NACAD: variants seen among roughly 807,000 people sequenced by gnomAD.
NACAD encodes the protein NAC-alpha domain-containing protein 1.
In NACAD, 47 loss-of-function variants were observed where a neutral mutation model predicts 98.9. That is an observed-to-expected ratio of 0.48 (90% CI 0.38 to 0.61). The LOEUF (loss-of-function observed/expected upper bound fraction) is 0.61. NACAD is among the 20% of genes least tolerant of loss of function. The pLI is 0.00. For missense variants in NACAD, 1,412 were observed against 1,748.2 expected (o/e 0.81, Z 3.43); for synonymous variants, 696 against 767.2 (o/e 0.91, Z 1.53).
rs1187282426 is a variant in NACAD, at chr7:45,088,419, C to T, written c.67+409G>A. 6.6e-6 allele frequency among the ~76,000 whole-genome samples: 1 copy of T among 152,210 alleles called. No homozygotes were observed. Among genetic ancestry groups the T allele is most frequent in the Non-Finnish European group, 1.5e-5 (1 of 68,022 alleles). On this transcript the variant is annotated intron_variant, in intron 1 of 7. Coordinates refer to ENST00000490531, the MANE Select transcript of NACAD (RefSeq NM_001146334.2). The surrounding 1 kb of genome is among the most constrained non-coding windows in gnomAD (Gnocchi z 5.7). ...CAGACCGGGTGCAACTGAGGACCCT[C>T]CCGGTGGTCACCTGATCGTACTGGG...
At position 45,080,869 on chromosome 7, in the gene NACAD, A is replaced by C. The variant is rs1045686052; in HGVS notation, c.4551+7T>G. The C allele has an allele frequency of 1.4e-5, 21 of 1,555,458 alleles. No individual in the cohort carries two copies. Among genetic ancestry groups the C allele is most frequent in the Non-Finnish European group, 1.7e-5 (19 of 1,149,528 alleles). On this transcript the variant is annotated splice_region_variant and intron_variant, in intron 6 of 7. Coordinates refer to ENST00000490531, the MANE Select transcript of NACAD (RefSeq NM_001146334.2). ...CCCTGCGAGGCCCTGGAGCCCCTGC[A>C]CTTCACCTCTTCCTCCTCCTCCTCT...
Position 45,088,749 on chromosome 7 carries a change from GA to G in NACAD, c.67+78del. 2 of 1,278,294 alleles carry G rather than the reference GA, an allele frequency of 1.6e-6. No homozygotes were observed. Among genetic ancestry groups the G allele is most frequent in the Non-Finnish European group, 2.1e-6 (2 of 964,028 alleles). 79.2% of individuals were successfully genotyped at this position (1,278,294 alleles called of 1,614,324 possible). ...GGCCAGGGGGATGGGGGAGAGGGGT[GA>G]AAGGTGAGCGATGGAAAGAGAACCC... On this transcript the variant is annotated intron_variant, in intron 1 of 7. Coordinates refer to ENST00000490531, the MANE Select transcript of NACAD (RefSeq NM_001146334.2). The surrounding 1 kb of genome is among the most constrained non-coding windows in gnomAD (Gnocchi z 5.7).
rs554470303 is a variant in NACAD at position 45,082,144 on chromosome 7, G to A, written c.4036C>T (p.Pro1346Ser). 2.0e-6 allele frequency: 3 copies of A among 1,487,192 alleles called. No individual in the cohort carries two copies. Among genetic ancestry groups the A allele is most frequent in the South Asian group, 2.7e-5 (2 of 72,828 alleles). The allele number at this position is 1,487,192 out of a possible 1,614,324, so 92.1% of individuals were successfully genotyped here. Residue 1346 changes from proline (P) to serine (S), a missense_variant, in exon 2 of 8, where the codon CCC becomes TCC. By Grantham distance (74) the Pro-to-Ser change is moderately conservative. Transcript: ENST00000490531. This position sits in a 1 kb window ranked among gnomAD's most constrained non-coding sequence, Gnocchi z 4.5. ...CTGTCCTCATCCTCTTGCTGCTCGG[G>A]GGCTGAGAGCCCTTGAGGGCCAGCT... Reference protein sequence around the residue: ...SPAGPQGLSAPEQQEDEDSLE... With the variant: ...SPAGPQGLSASEQQEDEDSLE...
In NACAD at chr7:45,084,300, G is replaced by T. The variant is rs1562928066; in HGVS notation, c.1880C>A (p.Ser627Tyr). ...GGTGAGGCCCTCTTCAGCCTGCTGG[G>T]ACACAATCGTGGCTGCAGCCACAGG... The part of the protein sequence containing the change: ...PKPVAAATIV[S>Y]QQAEEGLTLP... Residue 627 changes from serine (S) to tyrosine (Y), a missense_variant, in exon 2 of 8, where the codon TCC becomes TAC. Ser to Tyr is a moderately radical substitution (Grantham distance 144, BLOSUM62 -2). This residue lies in a region of NACAD where 72 missense variants were observed against 198.0 expected (regional missense o/e 0.36). Coordinates refer to ENST00000490531, the MANE Select transcript of NACAD (RefSeq NM_001146334.2). 7.2e-7 allele frequency: 1 copy of T among 1,385,106 alleles called. No individual in the cohort carries two copies. The highest frequency in any genetic ancestry group is 9.5e-7 in the Non-Finnish European group (1 of 1,053,066). The allele number at this position is 1,385,106 out of a possible 1,614,324, so 85.8% of individuals were successfully genotyped here. A position where few individuals can be genotyped will look rare whatever the true frequency, so the allele number is the denominator to read the frequency against.
chr7:45,082,514 G>A lies in NACAD; in HGVS notation c.3666C>T (p.Asp1222=). 1 of 1,549,728 alleles carries A rather than the reference G, an allele frequency of 6.5e-7. No homozygotes were observed. The highest frequency in any genetic ancestry group is 8.7e-7 in the Non-Finnish European group (1 of 1,146,818). ...CAGAAGGGTCAGGGCCCAGGGGCCT[G>A]TCCACGGGCGTGCTGGGCTGACCCT... The part of the protein sequence containing the change: ...LAKGQPSTPV[D]RPLGPDPSAP... The change falls in exon 2 of 8, where the codon GAC becomes GAT. Residue 1222 remains aspartate (D), a synonymous_variant. Coordinates refer to ENST00000490531, the MANE Select transcript of NACAD (RefSeq NM_001146334.2). The surrounding 1 kb of genome is among the most constrained non-coding windows in gnomAD (Gnocchi z 4.5).
At position 45,081,143 on chromosome 7, in the gene NACAD, T is replaced by C. The variant is rs1318094207; in HGVS notation, c.4378A>G (p.Thr1460Ala). Reference sequence around the variant, plus strand: ...TTGGCCTCGCCAAAGACCACATAAGTGTCTGAGGCTGGGCTCTTGAAGACA... The same window carrying C: ...TTGGCCTCGCCAAAGACCACATAAGCGTCTGAGGCTGGGCTCTTGAAGACA... The part of the protein sequence containing the change: ...PDVFKSPASD[T>A]YVVFGEAKIE... Residue 1460 changes from threonine (T) to alanine (A), a missense_variant, in exon 5 of 8, where the codon ACT becomes GCT. Physicochemically the swap from Thr to Ala is moderately conservative, Grantham distance 58. Around this residue, in one of 5 missense-constraint regions of NACAD, gnomAD observed 42 missense variants for 82.5 expected, o/e 0.51. Transcript: ENST00000490531. 1 of 1,551,342 alleles carries C rather than the reference T, an allele frequency of 6.4e-7. No homozygotes were observed. The highest frequency in any genetic ancestry group is 8.7e-7 in the Non-Finnish European group (1 of 1,146,984).
chr7:45,086,506 T>A (rs1422246615), intron 1 of NACAD, among the ~76,000 whole-genome samples: 1 of 152,200 alleles, frequency 6.6e-6, no homozygotes, highest in East Asian at 1.9e-4. Context: ...GGTGGGAATC[T>A]GCCAGGCAGT....
chr7:45,085,514 C>T lies in NACAD; in HGVS notation c.666G>A (p.Thr222=). 1.3e-6 allele frequency: 2 copies of T among 1,550,756 alleles called. No individual in the cohort carries two copies. The highest frequency in any genetic ancestry group is 2.4e-5 in the East Asian group (1 of 40,892). Residue 222 remains threonine, a synonymous_variant, in exon 2 of 8, where the codon ACG becomes ACA. Transcript: ENST00000490531. The surrounding 1 kb of genome is among the most constrained non-coding windows in gnomAD (Gnocchi z 6.1). The part of the protein sequence containing the change: ...PPASPSGSYI[T]ADGDSWASSP... ...AAGAGGCCCAGCTGTCCCCATCGGC[C>T]GTAATGTAGGAGCCCGAGGGTGAGG...
In NACAD at chr7:45,081,785, C is replaced by T; in HGVS notation, c.4155G>A (p.Leu1385=). The T allele has an allele frequency of 6.4e-7, 1 of 1,551,052 alleles. No homozygotes were observed. Among genetic ancestry groups the T allele is most frequent in the East Asian group, 2.4e-5 (1 of 40,914 alleles). Residue 1385 remains leucine, a synonymous_variant, in exon 3 of 8, where the codon TTG becomes TTA. Coordinates refer to ENST00000490531, the MANE Select transcript of NACAD (RefSeq NM_001146334.2). The part of the protein sequence containing the change: ...SSAELDEQDI[L]APQTVQCPAQ... The stretch of plus-strand genomic sequence containing the variant: ...CTGGACACTGCACGGTCTGAGGAGC[C>T]AAGATGTCCTGCTCGTCCAGCTCGG...
At chr7:45,086,663 A>C (rs891789053) in intron 1 of NACAD, among the ~76,000 whole-genome samples, 1 of 152,158 alleles carries the variant, frequency 6.6e-6, no homozygotes, top group Non-Finnish European at 1.5e-5. Context: ...TGAGGCCAAC[A>C]TGTCAGGGTT....
Position 45,088,442 on chromosome 7 carries a change from G to A in NACAD, c.67+386C>T, listed in dbSNP as rs1041349856. On this transcript the variant is annotated intron_variant, in intron 1 of 7. Transcript: ENST00000490531. This position sits in a 1 kb window ranked among gnomAD's most constrained non-coding sequence, Gnocchi z 5.7. Reference sequence around the variant, plus strand: ...CTCCCGGTGGTCACCTGATCGTACTGGGGGTATCAGCCGGACACCCCGCCT... The same window carrying A: ...CTCCCGGTGGTCACCTGATCGTACTAGGGGTATCAGCCGGACACCCCGCCT... 6.6e-6 allele frequency among the ~76,000 whole-genome samples: 1 copy of A among 152,094 alleles called. No homozygotes were observed. The highest frequency in any genetic ancestry group is 2.4e-5 in the African/African-American group (1 of 41,390).
In NACAD at chr7:45,081,220, CT is replaced by C; in HGVS notation, c.4300del (p.Arg1434GlyfsTer70). The C allele has an allele frequency of 6.4e-7, 1 of 1,551,464 alleles. No homozygotes were observed. The highest frequency in any genetic ancestry group is 8.7e-7 in the Non-Finnish European group (1 of 1,147,006). On this transcript the variant is annotated frameshift_variant, in exon 5 of 8. Transcript: ENST00000490531. LOFTEE classifies it high-confidence loss of function. ...GTTCTTGGACTTCTGGATGGTGATC[CT>C]GGTGACTCCCTGAATCTGCCGCAAG... The part of the protein sequence containing the change: ...LGLRQIQGVT[R>X]ITIQKSKNIL...
Position 45,088,883 on chromosome 7 carries a change from C to A in NACAD, c.12G>T (p.Glu4Asp). 6.7e-7 allele frequency: 1 copy of A among 1,484,328 alleles called. No homozygotes were observed. Among genetic ancestry groups the A allele is most frequent in the Non-Finnish European group, 8.9e-7 (1 of 1,121,940 alleles). The allele number at this position is 1,484,328 out of a possible 1,614,324, so 91.9% of individuals were successfully genotyped here. A position where few individuals can be genotyped will look rare whatever the true frequency, so the allele number is the denominator to read the frequency against. Residue 4 changes from glutamate (E) to aspartate (D), a missense_variant, in exon 1 of 8, where the codon GAG becomes GAT. Transcript: ENST00000490531. The surrounding 1 kb of genome is among the most constrained non-coding windows in gnomAD (Gnocchi z 5.7). MPG[E>D]AARAELLLPE... ...GCAGCAGCAGCTCGGCGCGGGCAGC[C>A]TCCCCAGGCATGGCCTGGCCGTGCG...
chr7:45,083,266 C>T lies in NACAD; in HGVS notation c.2914G>A (p.Ala972Thr). The change falls in exon 2 of 8, where the codon GCC becomes ACC. Residue 972 changes from alanine (A) to threonine (T), a missense_variant. By Grantham distance (58) the Ala-to-Thr change is moderately conservative (BLOSUM62 0). This residue lies in a region of NACAD where 572 missense variants were observed against 639.6 expected (regional missense o/e 0.89). Coordinates refer to ENST00000490531, the MANE Select transcript of NACAD (RefSeq NM_001146334.2). ...ATMAQQEVGE[A>T]LGPRPAPEEK... ...TCAGGTGCTGGCCTGGGGCCTAAGG[C>T]CTCACCTACTTCCTGCTGAGCCATG... 6 of 1,551,098 alleles carry T rather than the reference C, an allele frequency of 3.9e-6. No individual in the cohort carries two copies. Among genetic ancestry groups the T allele is most frequent in the Non-Finnish European group, 5.2e-6 (6 of 1,147,008 alleles).
Position 45,084,379 on chromosome 7 carries a change from C to T in NACAD, c.1801G>A (p.Ala601Thr), listed in dbSNP as rs759644310. 21 of 1,523,942 alleles carry T rather than the reference C, an allele frequency of 1.4e-5. No homozygotes were observed. The highest frequency in any genetic ancestry group is 6.0e-5 in the South Asian group (5 of 82,978). 94.4% of individuals were successfully genotyped at this position (1,523,942 alleles called of 1,614,324 possible). ...KEDLTLPQDS[A>T]MTPPLPLQDT... ...TGTAGGGGCAGAGGCGGTGTCATAG[C>T]GGAGTCCTGGGGTAAGGTGAGGTCC... Residue 601 changes from alanine (A) to threonine (T), a missense_variant, in exon 2 of 8, where the codon GCT becomes ACT. Ala to Thr is a moderately conservative substitution (Grantham distance 58). Transcript: ENST00000490531.
In NACAD at chr7:45,084,714, T is replaced by C; in HGVS notation, c.1466A>G (p.Gln489Arg). 3 of 1,551,206 alleles carry C rather than the reference T, an allele frequency of 1.9e-6. No homozygotes were observed. Among genetic ancestry groups the C allele is most frequent in the East Asian group, 4.9e-5 (2 of 40,866 alleles). The change falls in exon 2 of 8, where the codon CAG becomes CGG. Residue 489 changes from glutamine to arginine, a missense_variant. By Grantham distance (43) the Gln-to-Arg change is conservative. Transcript: ENST00000490531. ...STATVTPHTLQVAPGLQVEVA... is the reference protein window; with the variant it reads ...STATVTPHTLRVAPGLQVEVA... The stretch of plus-strand genomic sequence containing the variant: ...CTCCACCTGGAGGCCTGGGGCTACC[T>C]GCAGAGTGTGAGGGGTCACAGTGGC...
In NACAD at chr7:45,081,247, C is replaced by T; in HGVS notation, c.4274G>A (p.Gly1425Asp). The change falls in exon 5 of 8, where the codon GGC (glycine) becomes GAC (aspartate). Residue 1425 changes from glycine (G) to aspartate (D), a missense_variant. This residue lies in a region of NACAD where 42 missense variants were observed against 82.5 expected (regional missense o/e 0.51). Transcript: ENST00000490531. ...KKARKAMSKL[G>D]LRQIQGVTRI... is the part of the protein sequence containing the mutation. The stretch of plus-strand genomic sequence containing the variant: ...GGTGACTCCCTGAATCTGCCGCAAG[C>T]CCAGCTTTGACATTGCCTGGGAGTA... The T allele has an allele frequency of 6.4e-7, 1 of 1,551,346 alleles. No homozygotes were observed. The highest frequency in any genetic ancestry group is 8.7e-7 in the Non-Finnish European group (1 of 1,146,974).
At position 45,081,824 on chromosome 7, in the gene NACAD, G is replaced by T; in HGVS notation, c.4116C>A (p.His1372Gln). 2 of 1,549,542 alleles carry T rather than the reference G, an allele frequency of 1.3e-6. No homozygotes were observed. Among genetic ancestry groups the T allele is most frequent in the Non-Finnish European group, 1.7e-6 (2 of 1,146,950 alleles). Residue 1372 changes from histidine (H) to glutamine (Q), a missense_variant, in exon 3 of 8, where the codon CAC (histidine) becomes CAA (glutamine). His to Gln is a conservative substitution (Grantham distance 24). This residue lies in a region of NACAD where 572 missense variants were observed against 639.6 expected (regional missense o/e 0.89). Transcript: ENST00000490531. ...CGTCCAGCTCGGCTGATGACTCCCC[G>T]TGGCTATCCGAATGCTGGCCCGAGC... ...ALGSGQHSDS[H>Q]GESSAELDEQ...
chr7:45,088,540 C>T lies in NACAD; in HGVS notation c.67+288G>A, dbSNP rs1784556302. 6.6e-6 allele frequency among the ~76,000 whole-genome samples: 1 copy of T among 152,198 alleles called. No individual in the cohort carries two copies. On this transcript the variant is annotated intron_variant, in intron 1 of 7. Coordinates refer to ENST00000490531, the MANE Select transcript of NACAD (RefSeq NM_001146334.2). The surrounding 1 kb of genome is among the most constrained non-coding windows in gnomAD (Gnocchi z 5.7). ...GCAGCTCGGTGCAAACAACGGGATG[C>T]AGCGGGCGGGATGCGAGCCCCACGA...
Sources: gnomAD v4.1 joint callset for allele counts (sites outside exome capture counted in the v4.1 genomes callset) on GRCh38, gnomAD v4.1.1 for gene constraint, gnomAD v4.1.1 regional missense constraint, Gnocchi (gnomAD v3.1) non-coding constraint, MANE v1.5 for transcripts, NCBI Gene and HGNC (gene_info 2026-07-23, HGNC 2026-07-21) for gene names.